Variants in ST3GAL3 observed in about 807,000 individuals in gnomAD.
ST3GAL3 encodes the protein ST3 beta-galactoside alpha-2,3-sialyltransferase 3, also known as CMP-N-acetylneuraminate-beta-1,4-galactoside alpha-2,3-sialyltransferase.
ST3GAL3 carries 21 observed loss-of-function variants against 50.1 expected under a neutral mutation model. The observed-to-expected ratio is 0.42, with a 90% CI of 0.30 to 0.60. ST3GAL3 has a LOEUF of 0.60. ST3GAL3 is among the 20% of genes least tolerant of loss of function. The probability of loss-of-function intolerance (pLI) is 0.19; values close to 1 mark genes in which losing one functional copy is unlikely to be tolerated. For missense variants in ST3GAL3, 353 were observed against 489.4 expected, an observed-to-expected ratio of 0.72 and a Z score of 2.63; for synonymous variants, 183 against 190.0, an observed-to-expected ratio of 0.96 and a Z score of 0.30.
At chr1:43,846,191 G>A (rs916079497) in intron 5 of ST3GAL3, among the ~76,000 whole-genome samples, 1 of 152,200 alleles carries the variant, frequency 6.6e-6, no homozygotes, top group South Asian at 2.1e-4. Context: ...CTGACTTTCT[G>A]TACACTTTTT....
intron 5 of ST3GAL3, among the ~76,000 whole-genome samples, chr1:43,867,305 CA>C (rs2071580749): frequency 6.6e-6 from 1 of 152,126 alleles, no homozygotes; most frequent in African/African-American, 2.4e-5. Context: ...CAAACCATAT[CA>C]GTAGGAAAAT....
chr1:43,760,297 T>G (rs921091560), intron 2 of ST3GAL3, among the ~76,000 whole-genome samples: 3 of 152,254 alleles, frequency 2.0e-5, no homozygotes. Flanking sequence ...GCCTGACATC[T>G]CAATATTTAA....
intron 2 of ST3GAL3, among the ~76,000 whole-genome samples, chr1:43,783,031 G>C (rs187350518): frequency 6.6e-6 from 1 of 150,662 alleles, no homozygotes; most frequent in African/African-American, 2.5e-5. Context: ...GAACACTTTG[G>C]GATTCTAATA....
intron 9 of ST3GAL3, among the ~76,000 whole-genome samples, chr1:43,905,498 CTCT>C (rs2079234747): frequency 7.1e-6 from 1 of 141,762 alleles, no homozygotes; most frequent in South Asian, 2.5e-4. Flanking sequence ...ACCACTCTTC[CTCT>C]CCGTCCTCCT....
intron 2 of ST3GAL3, among the ~76,000 whole-genome samples, chr1:43,783,922 A>T (rs1418622453): frequency 6.6e-6 from 1 of 152,140 alleles, no homozygotes; most frequent in Non-Finnish European, 1.5e-5. Context: ...CTCACTTTTT[A>T]AAAATAGTCT....
At chr1:43,808,754 C>T (rs1240812094) in intron 3 of ST3GAL3, among the ~76,000 whole-genome samples, 3 of 152,140 alleles carry the variant, frequency 2.0e-5, no homozygotes, top group Non-Finnish European at 4.4e-5. Flanking sequence ...ACAGTTCCCC[C>T]TTGGACTTGT....
chr1:43,723,892 G>A (rs1330027400), intron 1 of ST3GAL3, among the ~76,000 whole-genome samples: 2 of 151,998 alleles, frequency 1.3e-5, no homozygotes, highest in East Asian at 3.9e-4. Flanking sequence ...GATTACAGGC[G>A]TGAGCCACTG....
At chr1:43,719,578 T>G (rs1669286913) in intron 1 of ST3GAL3, among the ~76,000 whole-genome samples, 1 of 151,318 alleles carries the variant, frequency 6.6e-6, no homozygotes, top group Admixed American at 6.6e-5. Flanking sequence ...GGCACGAGAA[T>G]TGCTTGAACC....
At chr1:43,805,118 TA>T (rs1271002282) in intron 3 of ST3GAL3, among the ~76,000 whole-genome samples, 1 of 152,170 alleles carries the variant, frequency 6.6e-6, no homozygotes, top group African/African-American at 2.4e-5. Flanking sequence ...TAACTGTTTT[TA>T]AAAAGGAATT....
intron 2 of ST3GAL3, among the ~76,000 whole-genome samples, chr1:43,755,250 A>AT (rs1687617055): frequency 6.6e-6 from 1 of 152,268 alleles, no homozygotes; most frequent in African/African-American, 2.4e-5. Flanking sequence ...AATGCTAAGC[A>AT]TATGAAGAGA....
At chr1:43,892,297 A>AC (rs2076792735) in intron 5 of ST3GAL3, among the ~76,000 whole-genome samples, 1 of 151,438 alleles carries the variant, frequency 6.6e-6, no homozygotes, top group African/African-American at 2.4e-5. Flanking sequence ...TCACACTGTC[A>AC]CCCAGGCTGG....
rs1572007486 is a variant in ST3GAL3, at chr1:43,746,243, T to C, written c.118+9863T>C. Among the ~76,000 whole-genome samples, 3 of 152,186 alleles carry C rather than the reference T, an allele frequency of 2.0e-5. No individual in the cohort carries two copies. In the South Asian group the frequency reaches 6.2e-4, roughly 32 times the overall value. ...AAGCCAGTAACAAAAGGACAAATAC[T>C]GTAAGATTCCTCTTATACGAGGTTC... On this transcript the variant is annotated intron_variant, in intron 2 of 11. Coordinates refer to ENST00000347631, the MANE Select transcript of ST3GAL3 (RefSeq NM_006279.5).
chr1:43,838,723 A>C lies in ST3GAL3; in HGVS notation c.302+412A>C, dbSNP rs117114410. 5.1e-4 allele frequency: 138 copies of C among 272,786 alleles called. No individual in the cohort carries two copies. In the East Asian group the frequency reaches 0.011, roughly 23 times the overall value. The allele number at this position is 272,786 out of a possible 1,614,324, so 16.9% of individuals were successfully genotyped here. Reference sequence around the variant, plus strand: ...CCAAATAAAGCAGGGAACAAAGAGAAATTTCTGAGGCTGTCTTGAGTTTTA... The same window carrying C: ...CCAAATAAAGCAGGGAACAAAGAGACATTTCTGAGGCTGTCTTGAGTTTTA... On this transcript the variant is annotated intron_variant, in intron 5 of 11. Coordinates refer to ENST00000347631, the MANE Select transcript of ST3GAL3 (RefSeq NM_006279.5).
At chr1:43,714,905 C>T (rs990400578) in intron 1 of ST3GAL3, among the ~76,000 whole-genome samples, 21 of 152,194 alleles carry the variant, frequency 1.4e-4, no homozygotes, top group African/African-American at 5.1e-4. Context: ...AGTTCCTCCT[C>T]TCTCAACTCC....
chr1:43,859,316 C>T (rs992922088), intron 5 of ST3GAL3, among the ~76,000 whole-genome samples: 4 of 152,054 alleles, frequency 2.6e-5, no homozygotes, highest in South Asian at 2.1e-4. Context: ...GGACAACTTC[C>T]GAACATAGTT....
At chr1:43,736,759 A>G in intron 2 of ST3GAL3, 1 of 335,134 alleles carries the variant, frequency 3.0e-6, no homozygotes, top group African/African-American at 2.1e-5. Context: ...GTTGGTTTCC[A>G]TCTGCCCTTA....
chr1:43,736,711 CTA>C, intron 2 of ST3GAL3: 1 of 407,880 alleles, frequency 2.5e-6, no homozygotes, highest in South Asian at 2.2e-5. Flanking sequence ...TATTGCCACT[CTA>C]TTTTGCCATT....
chr1:43,914,827 T>A (rs2081516412), intron 9 of ST3GAL3, among the ~76,000 whole-genome samples: 1 of 152,230 alleles, frequency 6.6e-6, no homozygotes, highest in African/African-American at 2.4e-5. Context: ...TGTGCTGTGC[T>A]GTGCTTGGCA....
chr1:43,736,128 TAA>T (rs1678308401), intron 1 of ST3GAL3, 103 bp from the exon 2 acceptor site: 1 of 1,116,400 alleles, frequency 9.0e-7, no homozygotes, highest in Non-Finnish European at 1.3e-6. Context: ...GTGATAACTC[TAA>T]GTTATTCTTC....
Sources: gnomAD v4.1 joint callset for allele counts (sites outside exome capture counted in the v4.1 genomes callset) on GRCh38, gnomAD v4.1.1 for gene constraint, MANE v1.5 for transcripts, NCBI Gene and HGNC (gene_info 2026-07-23, HGNC 2026-07-21) for gene names.